Variants in CACNG2 observed in about 807,000 individuals in gnomAD.
CACNG2 encodes calcium voltage-gated channel auxiliary subunit gamma 2.
CACNG2 carries 3 observed loss-of-function variants against 25.9 expected under a neutral mutation model. The ratio of observed to expected loss-of-function variants is 0.12; its 90% CI spans 0.05 to 0.30. The LOEUF is 0.30. Among genes scored for constraint, CACNG2 ranks in the 10% least tolerant of loss-of-function variants. The pLI is 1.00. For synonymous variants in CACNG2, 167 were observed against 173.3 expected, an observed-to-expected ratio of 0.96 and a Z score of 0.29; for missense variants, 341 against 432.5, an observed-to-expected ratio of 0.79 and a Z score of 1.88.
chr22:36,703,215 G>C lies in CACNG2; in HGVS notation c.-639C>G, dbSNP rs1162583024. 1 of 158,944 alleles carries C rather than the reference G, an allele frequency of 6.3e-6. No individual in the cohort carries two copies. Among genetic ancestry groups the C allele is most frequent in the Admixed American group, 6.6e-5 (1 of 15,242 alleles). 9.8% of individuals were successfully genotyped at this position (158,944 alleles called of 1,614,324 possible). A position where few individuals can be genotyped will look rare whatever the true frequency, so the allele number is the denominator to read the frequency against. On this transcript the variant is annotated 5_prime_UTR_variant, in exon 1 of 4. Transcript: ENST00000300105. ...TCAGCTGCACAGGTGCGGGGGTCTC[G>C]CTTTCCATGGTTTTGCCCGGGCAGC...
intron 1 of CACNG2, among the ~76,000 whole-genome samples, chr22:36,691,151 A>G (rs1263985365): frequency 1.3e-5 from 2 of 152,220 alleles, no homozygotes; most frequent in Non-Finnish European, 2.9e-5. Context: ...AGGAATGGAA[A>G]CAAGCAACAT....
intron 1 of CACNG2, among the ~76,000 whole-genome samples, chr22:36,626,491 C>T (rs1936185361): frequency 1.3e-5 from 2 of 152,118 alleles, no homozygotes; most frequent in Non-Finnish European, 2.9e-5. Context: ...TCCCGCTCCT[C>T]CTCTAATAAT....
Position 36,702,940 on chromosome 22 carries a change from C to T in CACNG2, c.-364G>A. On this transcript the variant is annotated 5_prime_UTR_variant, in exon 1 of 4. An upstream start codon of the reference 5' UTR is lost. Transcript: ENST00000300105. ...TTCTAAAATTCTGGTCTCCAGTTTC[C>T]ATATGTGATAGTTAATTTGGAGATG... The T allele has an allele frequency of 4.8e-6, 1 of 207,882 alleles. No homozygotes were observed. Among genetic ancestry groups the T allele is most frequent in the South Asian group, 7.9e-5 (1 of 12,614 alleles). 12.9% of individuals were successfully genotyped at this position (207,882 alleles called of 1,614,324 possible).
chr22:36,582,023 C>T (rs537366187), intron 2 of CACNG2, among the ~76,000 whole-genome samples: 4 of 152,314 alleles, frequency 2.6e-5, no homozygotes, highest in East Asian at 3.9e-4. Flanking sequence ...ATCCTGTGTG[C>T]GGTGCCCTGG....
intron 1 of CACNG2, among the ~76,000 whole-genome samples, chr22:36,637,374 G>A (rs894942274): frequency 3.3e-5 from 5 of 152,200 alleles, no homozygotes; most frequent in Non-Finnish European, 5.9e-5. Context: ...GTGGAACAAG[G>A]TTGGCAGGCT....
intron 1 of CACNG2, among the ~76,000 whole-genome samples, chr22:36,614,390 C>T (rs1013943659): frequency 4.6e-5 from 7 of 152,170 alleles, no homozygotes; most frequent in African/African-American, 1.7e-4. Context: ...TGTCCCTTCC[C>T]CCACATCACC....
chr22:36,689,800 C>A (rs1203909311), intron 1 of CACNG2, among the ~76,000 whole-genome samples: 1 of 152,254 alleles, frequency 6.6e-6, no homozygotes, highest in Non-Finnish European at 1.5e-5. Flanking sequence ...GGCTGGCCAC[C>A]ACAACAGGGC....
rs534011532 is a variant in CACNG2, at chr22:36,562,551, G to C, written c.*1800C>G. On this transcript the variant is annotated 3_prime_UTR_variant, in exon 4 of 4. Coordinates refer to ENST00000300105, the MANE Select transcript of CACNG2 (RefSeq NM_006078.5). Reference sequence around the variant, plus strand: ...CATGTGTATGCTCTGTTGGGAGGTTGTGAATGAACACAAAGGCCAGTGTGG... The same window carrying C: ...CATGTGTATGCTCTGTTGGGAGGTTCTGAATGAACACAAAGGCCAGTGTGG... The C allele has an allele frequency of 6.6e-6, 1 of 152,184 alleles. No homozygotes were observed. The highest frequency in any genetic ancestry group is 6.6e-5 in the Admixed American group (1 of 15,258). The allele number at this position is 152,184 out of a possible 1,614,324, so 9.4% of individuals were successfully genotyped here.
At chr22:36,626,981 G>T (rs1332239645) in intron 1 of CACNG2, among the ~76,000 whole-genome samples, 1 of 152,106 alleles carries the variant, frequency 6.6e-6, no homozygotes, top group East Asian at 1.9e-4. Flanking sequence ...GTTCAGAGAG[G>T]TTAAGTGACT....
At chr22:36,663,645 G>A (rs1182114292) in intron 1 of CACNG2, among the ~76,000 whole-genome samples, 8 of 152,204 alleles carry the variant, frequency 5.3e-5, no homozygotes, top group African/African-American at 1.9e-4. Context: ...TCTCCCACAA[G>A]CTGTGGGAAG....
chr22:36,684,173 T>G (rs1340820484), intron 1 of CACNG2, among the ~76,000 whole-genome samples: 1 of 152,076 alleles, frequency 6.6e-6, no homozygotes, highest in Admixed American at 6.5e-5. Context: ...CTGAGATGAA[T>G]TTAGGTGGTA....
rs1001830713 is a variant in CACNG2 at position 36,591,952 on chromosome 22, G to C, written c.212-4404C>G. ...TGAGAGTGAGGAAGGGTTGGGGACG[G>C]GAGGACAGGGGAAGGGAAGCGAGAG... On this transcript the variant is annotated intron_variant, in intron 1 of 3. Transcript: ENST00000300105. 2.6e-5 allele frequency among the ~76,000 whole-genome samples: 4 copies of C among 152,086 alleles called. No homozygotes were observed. In the South Asian group the frequency reaches 8.3e-4, roughly 32 times the overall value.
intron 1 of CACNG2, among the ~76,000 whole-genome samples, chr22:36,691,819 A>G (rs902316364): frequency 3.9e-5 from 6 of 152,188 alleles, no homozygotes; most frequent in African/African-American, 1.4e-4. Flanking sequence ...ATGACTACCT[A>G]TTATTATTAT....
chr22:36,678,079 T>C (rs1267973766), intron 1 of CACNG2, among the ~76,000 whole-genome samples: 1 of 152,158 alleles, frequency 6.6e-6, no homozygotes, highest in Non-Finnish European at 1.5e-5. Flanking sequence ...GAGAGAGAAT[T>C]GGTATTGAAT....
intron 2 of CACNG2, among the ~76,000 whole-genome samples, chr22:36,575,128 A>G (rs111599769): frequency 2.0e-5 from 3 of 152,230 alleles, no homozygotes; most frequent in African/African-American, 4.8e-5. Flanking sequence ...GAAAATCCTA[A>G]CTCCGTCTAC....
At chr22:36,665,080 T>C (rs1329132886) in intron 1 of CACNG2, among the ~76,000 whole-genome samples, 1 of 152,124 alleles carries the variant, frequency 6.6e-6, no homozygotes, top group African/African-American at 2.4e-5. Flanking sequence ...AGAGGGCTGG[T>C]GAAGGCAGGC....
intron 1 of CACNG2, among the ~76,000 whole-genome samples, chr22:36,628,687 C>T (rs140715718): frequency 6.6e-6 from 1 of 151,966 alleles, no homozygotes; most frequent in South Asian, 2.1e-4. Context: ...CAAGAACTCC[C>T]CTAGAAAGCT....
intron 1 of CACNG2, among the ~76,000 whole-genome samples, chr22:36,621,378 C>T (rs915970772): frequency 1.3e-5 from 2 of 151,914 alleles, no homozygotes; most frequent in South Asian, 2.1e-4. Flanking sequence ...GAGACCAACC[C>T]GGCCCACATG....
chr22:36,629,685 CTTCATTCATTCA>C (rs557166064), intron 1 of CACNG2, among the ~76,000 whole-genome samples: 3 of 151,996 alleles, frequency 2.0e-5, no homozygotes, highest in Non-Finnish European at 2.9e-5. Context: ...TGTTCATTCA[CTTCATTCATTCA>C]TTCATTCATT....
Sources: allele counts gnomAD v4.1 joint callset (sites outside exome capture counted in the v4.1 genomes callset), GRCh38; gene constraint gnomAD v4.1.1; transcripts MANE v1.5; gene names NCBI Gene and HGNC (gene_info 2026-07-23, HGNC 2026-07-21).